The following ITSN1 variants were observed in gnomAD, a reference collection of about 807,000 sequenced individuals.
ITSN1 encodes the protein intersectin 1.
In ITSN1, 58 loss-of-function variants were observed where a neutral mutation model predicts 239.8. That is an observed-to-expected ratio of 0.24 (90% CI 0.20 to 0.30). The LOEUF (loss-of-function observed/expected upper bound fraction) is 0.30. ITSN1 is among the 10% of genes least tolerant of loss of function. The pLI is 1.00. For missense variants in ITSN1, 1,558 were observed against 2,103.3 expected (o/e 0.74, Z 5.07); for synonymous variants, 780 against 770.8 (o/e 1.01, Z -0.20).
intron 5 of ITSN1, among the ~76,000 whole-genome samples, chr21:33,747,874 TTAATA>T: frequency 6.6e-6 from 1 of 152,298 alleles, no homozygotes; most frequent in South Asian, 2.1e-4. Flanking sequence ...GGTGGTAACT[TTAATA>T]TATGGAAAGA....
chr21:33,790,647 G>A (rs2071049768), intron 16 of ITSN1, among the ~76,000 whole-genome samples: 1 of 152,114 alleles, frequency 6.6e-6, no homozygotes, highest in African/African-American at 2.4e-5. Context: ...TTTGATTCGT[G>A]GTAATTTGTT....
intron 34 of ITSN1, among the ~76,000 whole-genome samples, chr21:33,877,755 C>T (rs895048644): frequency 1.3e-5 from 2 of 151,988 alleles, no homozygotes; most frequent in Non-Finnish European, 2.9e-5. Context: ...CACTGGCTTT[C>T]GGTGATCTTC....
At chr21:33,829,091 A>C in intron 26 of ITSN1, 2 of 440,834 alleles carry the variant, frequency 4.5e-6, no homozygotes, top group East Asian at 1.4e-4. Context: ...GGGAGTGAGA[A>C]TCTGCAGCAA....
chr21:33,658,205 G>C (rs1419886753), intron 1 of ITSN1, among the ~76,000 whole-genome samples: 1 of 152,122 alleles, frequency 6.6e-6, no homozygotes, highest in African/African-American at 2.4e-5. Context: ...GTGGAAGTGG[G>C]TCATCATAAC....
chr21:33,746,982 C>T (rs1330234560), intron 5 of ITSN1, among the ~76,000 whole-genome samples: 11 of 152,264 alleles, frequency 7.2e-5, no homozygotes, highest in Non-Finnish European at 1.3e-4. Context: ...GACGAAACCC[C>T]GTCTCTACTA....
intron 1 of ITSN1, among the ~76,000 whole-genome samples, chr21:33,674,173 T>TA (rs2090461761): frequency 6.6e-6 from 1 of 152,252 alleles, no homozygotes. Context: ...TTGGTACCTT[T>TA]AAGGCATCTC....
chr21:33,772,442 T>A, intron 12 of ITSN1, 119 bp downstream of exon 12: 2 of 1,271,996 alleles, frequency 1.6e-6, no homozygotes, highest in Non-Finnish European at 2.1e-6. Context: ...TTTAGTATAT[T>A]CCCAAAGTTG....
intron 20 of ITSN1, among the ~76,000 whole-genome samples, chr21:33,806,520 A>G (rs753169930): frequency 1.3e-5 from 2 of 152,270 alleles, no homozygotes; most frequent in African/African-American, 2.4e-5. Context: ...GTGTAATATC[A>G]TCGGCCTTTG....
In ITSN1 at chr21:33,806,171, A is replaced by G. The variant is rs919277141; in HGVS notation, c.2319+3727A>G. ...GCTTGCAGTGAGCCGAGATCGCGCC[A>G]CTGCACTCCAGCCTGGGCAACAGAG... On this transcript the variant is annotated intron_variant, in intron 20 of 39. Transcript: ENST00000381318. 5.4e-5 allele frequency among the ~76,000 whole-genome samples: 7 copies of G among 130,552 alleles called. No homozygotes were observed. In the South Asian group the frequency reaches 1.4e-3, roughly 27 times the overall value. The allele number at this position is 130,552 out of a possible 152,430, so 85.6% of individuals were successfully genotyped here. A position where few individuals can be genotyped will look rare whatever the true frequency, so the allele number is the denominator to read the frequency against.
chr21:33,795,075 G>A (rs1486109600), intron 17 of ITSN1, among the ~76,000 whole-genome samples: 2 of 152,154 alleles, frequency 1.3e-5, no homozygotes, highest in Non-Finnish European at 2.9e-5. Flanking sequence ...CCTTTTAAAT[G>A]TCAGTTAATT....
At chr21:33,776,284 G>T (rs2069600756) in intron 14 of ITSN1, among the ~76,000 whole-genome samples, 1 of 151,846 alleles carries the variant, frequency 6.6e-6, no homozygotes, top group Non-Finnish European at 1.5e-5. Context: ...GGGCACAGTG[G>T]GTCACACCTG....
chr21:33,665,866 CAT>C (rs1468281196), intron 1 of ITSN1, among the ~76,000 whole-genome samples: 1 of 151,146 alleles, frequency 6.6e-6, no homozygotes, highest in African/African-American at 2.4e-5. Flanking sequence ...AACATGAAAA[CAT>C]GTATAACATA....
chr21:33,819,959 G>A (rs981133551), intron 24 of ITSN1, among the ~76,000 whole-genome samples: 42 of 152,110 alleles, frequency 2.8e-4, no homozygotes, highest in African/African-American at 6.3e-4. Context: ...TCCGCAGTCC[G>A]GCCTGGGCGA....
At chr21:33,760,420 G>A (rs1367548373) in intron 8 of ITSN1, among the ~76,000 whole-genome samples, 1 of 152,156 alleles carries the variant, frequency 6.6e-6, no homozygotes, top group African/African-American at 2.4e-5. Flanking sequence ...ATGTGCACAT[G>A]TATATATCCA....
chr21:33,723,385 C>T (rs185297424), intron 4 of ITSN1, among the ~76,000 whole-genome samples: 9 of 152,206 alleles, frequency 5.9e-5, no homozygotes, highest in Non-Finnish European at 1.0e-4. Context: ...GAGGCCGAGG[C>T]GGGCGGATCA....
intron 38 of ITSN1, 59 bp from the exon 39 acceptor site, chr21:33,886,228 A>AT: frequency 1.5e-6 from 2 of 1,314,632 alleles, no homozygotes; most frequent in Non-Finnish European, 2.1e-6. Flanking sequence ...AAAAAAAAAA[A>AT]GAGTGGAGAT....
chr21:33,684,156 A>G (rs1232794284), intron 1 of ITSN1, among the ~76,000 whole-genome samples: 1 of 152,202 alleles, frequency 6.6e-6, no homozygotes, highest in Non-Finnish European at 1.5e-5. Context: ...CTCCTTAGAG[A>G]AATGTGATTC....
intron 39 of ITSN1, among the ~76,000 whole-genome samples, chr21:33,887,038 G>A (rs1985907624): frequency 6.6e-6 from 1 of 152,044 alleles, no homozygotes; most frequent in South Asian, 2.1e-4. Flanking sequence ...AAAATCACCG[G>A]TGGGCATGGT....
chr21:33,814,796 G>A (rs2268248), intron 22 of ITSN1, among the ~76,000 whole-genome samples: 14,713 of 152,086 alleles, frequency 0.097, 1,111 homozygotes, highest in East Asian at 0.39. Flanking sequence ...CCAGTCAGGG[G>A]GCTGTTGGTG....
Sources: gnomAD v4.1 joint callset for allele counts (sites outside exome capture counted in the v4.1 genomes callset) on GRCh38, gnomAD v4.1.1 for gene constraint, MANE v1.5 for transcripts, NCBI Gene and HGNC (gene_info 2026-07-23, HGNC 2026-07-21) for gene names.